The following ACOXL variants were observed in gnomAD, a reference collection of about 807,000 sequenced individuals.
ACOXL encodes acyl-coenzyme A oxidase-like protein.
In ACOXL, 70 loss-of-function variants were observed where a neutral mutation model predicts 71.9. That is an observed-to-expected ratio of 0.97 (90% CI 0.80 to 1.19). The LOEUF (loss-of-function observed/expected upper bound fraction) is 1.19, where lower values mean the gene tolerates loss of function less well. Among genes scored for constraint, ACOXL ranks in the 50% most tolerant of loss-of-function variants. The probability of loss-of-function intolerance (pLI) is 0.00; values close to 1 mark genes in which losing one functional copy is unlikely to be tolerated. For synonymous variants in ACOXL, 253 were observed against 281.6 expected, an observed-to-expected ratio of 0.90 and a Z score of 1.02; for missense variants, 703 against 736.3, an observed-to-expected ratio of 0.95 and a Z score of 0.52.
intron 14 of ACOXL, among the ~76,000 whole-genome samples, chr2:111,019,214 C>T (rs1391266242): frequency 3.3e-5 from 5 of 152,144 alleles, no homozygotes; most frequent in African/African-American, 1.2e-4. Flanking sequence ...TTTAAGGCCT[C>T]CTGATTTTCC....
At chr2:110,948,457 C>G (rs3789122) in intron 12 of ACOXL, among the ~76,000 whole-genome samples, 2 of 152,118 alleles carry the variant, frequency 1.3e-5, no homozygotes, top group East Asian at 3.9e-4. Flanking sequence ...ATCAGCCAAC[C>G]CTTGGAACAG....
chr2:111,027,624 GT>G (rs113295008), intron 14 of ACOXL, among the ~76,000 whole-genome samples: 2 of 151,728 alleles, frequency 1.3e-5, no homozygotes, highest in Admixed American at 1.3e-4. Context: ...TTGGCCCCTT[GT>G]TTTTTTTATT....
intron 1 of ACOXL, among the ~76,000 whole-genome samples, chr2:110,752,549 G>T (rs541446555): frequency 6.6e-6 from 1 of 151,144 alleles, no homozygotes; most frequent in African/African-American, 2.4e-5. Context: ...GATTGAGGGG[G>T]ATCTTGTATG....
At chr2:110,874,752 T>G (rs1695695202) in intron 10 of ACOXL, among the ~76,000 whole-genome samples, 1 of 152,148 alleles carries the variant, frequency 6.6e-6, no homozygotes, top group Non-Finnish European at 1.5e-5. Context: ...CTGTGCTGCT[T>G]GTGTTTTAGA....
intron 15 of ACOXL, 120 bp from the exon 16 acceptor site, chr2:111,049,098 C>G (rs1427740666): frequency 8.6e-6 from 7 of 815,358 alleles, no homozygotes; most frequent in African/African-American, 1.7e-5. Flanking sequence ...TGCCATGTCA[C>G]CAAGGAAGGA....
chr2:111,069,927 G>T lies in ACOXL; in HGVS notation c.1440+20639G>T, dbSNP rs941859243. ...TGGTAAAGGCACTGCAACACCACAA[G>T]GGGGACAGTGAGTTTGCCAAAGCAT... is the stretch of plus-strand genomic sequence containing the variant. On this transcript the variant is annotated intron_variant, in intron 16 of 17. Transcript: ENST00000439055. Among the ~76,000 whole-genome samples, 14 of 151,950 alleles carry T rather than the reference G, an allele frequency of 9.2e-5. 1 individual carries two copies. The highest frequency in any genetic ancestry group is 2.9e-4 in the African/African-American group (12 of 41,352).
rs564517144 is a variant in ACOXL at position 110,961,719 on chromosome 2, A to G, written c.1060-25389A>G. Among the ~76,000 whole-genome samples the G allele has an allele frequency of 2.0e-5, 3 of 152,350 alleles. No homozygotes were observed. In the South Asian group the frequency reaches 6.2e-4, roughly 32 times the overall value. On this transcript the variant is annotated intron_variant, in intron 12 of 17. Transcript: ENST00000439055. ...CTGAGACTGGGTAATTATTAAGGAA[A>G]GAGGTTTAATGGACTCACAGTTCCA...
chr2:110,998,014 G>A (rs1407903135), intron 14 of ACOXL, among the ~76,000 whole-genome samples: 2 of 149,674 alleles, frequency 1.3e-5, no homozygotes, highest in African/African-American at 5.0e-5. Flanking sequence ...TCACACCACT[G>A]CACTCCAGCC....
chr2:111,053,083 T>C (rs1471534850), intron 16 of ACOXL, among the ~76,000 whole-genome samples: 1 of 152,182 alleles, frequency 6.6e-6, no homozygotes, highest in Admixed American at 6.5e-5. Flanking sequence ...TCTTTTAGCC[T>C]AACGTCCTCT....
At chr2:110,811,992 G>A (rs749964769) in intron 9 of ACOXL, among the ~76,000 whole-genome samples, 3 of 152,104 alleles carry the variant, frequency 2.0e-5, no homozygotes, top group Non-Finnish European at 4.4e-5. Context: ...ATTTACTTTC[G>A]TATGTAAGAA....
intron 12 of ACOXL, among the ~76,000 whole-genome samples, chr2:110,943,303 G>GAGAGAA (rs1239033751): frequency 6.6e-6 from 1 of 150,540 alleles, no homozygotes; most frequent in Admixed American, 6.6e-5. Context: ...GGAGAAAGAA[G>GAGAGAA]AGAGAAAGAG....
intron 10 of ACOXL, among the ~76,000 whole-genome samples, chr2:110,869,982 A>AAG (rs1695073003): frequency 6.6e-6 from 1 of 152,270 alleles, no homozygotes; most frequent in Admixed American, 6.5e-5. Context: ...GGATTCACCG[A>AAG]GCATGTGGGT....
At chr2:110,907,980 T>C (rs974845428) in intron 10 of ACOXL, among the ~76,000 whole-genome samples, 4 of 152,160 alleles carry the variant, frequency 2.6e-5, no homozygotes, top group African/African-American at 9.7e-5. Context: ...GTGAGTGAAA[T>C]GTTGTTCTTT....
At chr2:110,765,568 A>G (rs763957552) in intron 1 of ACOXL, among the ~76,000 whole-genome samples, 5 of 152,168 alleles carry the variant, frequency 3.3e-5, no homozygotes, top group Non-Finnish European at 7.3e-5. Context: ...GCCTTTAGAT[A>G]ACAGAAATTT....
intron 10 of ACOXL, chr2:110,886,888 T>TA (rs1467539890): frequency 4.5e-6 from 7 of 1,548,166 alleles, no homozygotes; most frequent in Non-Finnish European, 4.4e-6. Flanking sequence ...TAACGTTTCT[T>TA]ACGCTTGCTC....
intron 11 of ACOXL, among the ~76,000 whole-genome samples, chr2:110,933,035 G>T (rs1269377785): frequency 6.6e-6 from 1 of 152,106 alleles, no homozygotes; most frequent in African/African-American, 2.4e-5. Flanking sequence ...AAATTTTTTT[G>T]TTATTTTTCT....
intron 15 of ACOXL, among the ~76,000 whole-genome samples, chr2:111,047,679 A>G (rs2066083098): frequency 1.3e-5 from 2 of 152,310 alleles, no homozygotes; most frequent in South Asian, 4.1e-4. Context: ...CCTTATCTCA[A>G]TGTACAAGTT....
At chr2:111,006,415 T>G (rs2063876136) in intron 14 of ACOXL, among the ~76,000 whole-genome samples, 1 of 152,190 alleles carries the variant, frequency 6.6e-6, no homozygotes, top group Non-Finnish European at 1.5e-5. Context: ...TGGGGAGACC[T>G]AGGAGTGTAC....
intron 12 of ACOXL, among the ~76,000 whole-genome samples, chr2:110,966,864 G>A (rs1404865906): frequency 6.6e-6 from 1 of 152,222 alleles, no homozygotes; most frequent in Non-Finnish European, 1.5e-5. Context: ...ATGTGCATCA[G>A]CACTCCTTTT....
Sources: gnomAD v4.1 joint callset for allele counts (sites outside exome capture counted in the v4.1 genomes callset) on GRCh38, gnomAD v4.1.1 for gene constraint, MANE v1.5 for transcripts, NCBI Gene and HGNC (gene_info 2026-07-23, HGNC 2026-07-21) for gene names.